The following PTPRD variants were observed in gnomAD, a reference collection of about 807,000 sequenced individuals.
PTPRD encodes the protein receptor-type tyrosine-protein phosphatase delta.
A neutral mutation model predicts 214.5 loss-of-function variants in PTPRD; 34 were observed. The observed-to-expected ratio is 0.16, with a 90% CI of 0.12 to 0.21. The LOEUF (loss-of-function observed/expected upper bound fraction) is 0.21, where lower values mean the gene tolerates loss of function less well. PTPRD is among the 10% of genes least tolerant of loss of function. PTPRD has a pLI of 1.00. For missense variants in PTPRD, 2,545 were observed against 2,398.7 expected (o/e 1.06, Z -1.27); for synonymous variants, 1,128 against 845.7 (o/e 1.33, Z -5.79).
chr9:9,602,154 C>T (rs1029399009), intron 7 of PTPRD, among the ~76,000 whole-genome samples: 1 of 151,876 alleles, frequency 6.6e-6, no homozygotes, highest in Non-Finnish European at 1.5e-5. Context: ...ATTCCTATTA[C>T]CTTTGCTTTT....
chr9:9,356,362 T>C (rs73393055), intron 9 of PTPRD, among the ~76,000 whole-genome samples: 1,663 of 151,544 alleles, frequency 0.011, 25 homozygotes, highest in African/African-American at 0.037. Flanking sequence ...GGACATCTAA[T>C]GCAGATTATT....
At chr9:8,446,918 TA>T (rs1488812122) in intron 34 of PTPRD, among the ~76,000 whole-genome samples, 1 of 152,178 alleles carries the variant, frequency 6.6e-6, no homozygotes, top group African/African-American at 2.4e-5. Context: ...GGCAAGTAAT[TA>T]TGGTAATTAA....
At chr9:9,406,847 CT>C (rs35972215) in intron 8 of PTPRD, among the ~76,000 whole-genome samples, 15 of 145,488 alleles carry the variant, frequency 1.0e-4, no homozygotes, top group Admixed American at 2.1e-4. Flanking sequence ...TTTCTTCTTT[CT>C]TTTTTTTTTT....
chr9:10,449,023 A>G (rs565639899), intron 2 of PTPRD, among the ~76,000 whole-genome samples: 25 of 152,018 alleles, frequency 1.6e-4, no homozygotes, highest in African/African-American at 6.1e-4. Flanking sequence ...CTAGAACTTA[A>G]AGTATAATAA....
chr9:8,377,614 T>TA (rs2083641822), intron 37 of PTPRD, among the ~76,000 whole-genome samples: 1 of 152,076 alleles, frequency 6.6e-6, no homozygotes, highest in Non-Finnish European at 1.5e-5. Flanking sequence ...GACTTTTTTT[T>TA]AATGGGACTA....
chr9:8,881,901 C>T lies in PTPRD; in HGVS notation c.-104+136796G>A, dbSNP rs114139096. Among the ~76,000 whole-genome samples, 690 of 152,246 alleles carry T rather than the reference C, an allele frequency of 4.5e-3. 7 individuals carry two copies. Among genetic ancestry groups the T allele is most frequent in the African/African-American group, 0.015 (622 of 41,534 alleles). The stretch of plus-strand genomic sequence containing the variant: ...ATGAGCTTCTTCCTGTCTTCTTACT[C>T]GGAGGAAAGAAAGGAGAAGGAAGGT... On this transcript the variant is annotated intron_variant, in intron 11 of 45. Coordinates refer to ENST00000381196, the MANE Select transcript of PTPRD (RefSeq NM_002839.4).
At chr9:8,357,349 G>A (rs372989617) in intron 39 of PTPRD, among the ~76,000 whole-genome samples, 2 of 152,204 alleles carry the variant, frequency 1.3e-5, no homozygotes, top group Non-Finnish European at 2.9e-5. Flanking sequence ...ACCAAGAGAT[G>A]CAGGAATAGC....
intron 11 of PTPRD, among the ~76,000 whole-genome samples, chr9:8,801,250 C>T (rs2096565033): frequency 1.3e-5 from 2 of 152,084 alleles, no homozygotes; most frequent in African/African-American, 4.8e-5. Context: ...ATTACTGGTT[C>T]TCAAATCTTG....
intron 9 of PTPRD, among the ~76,000 whole-genome samples, chr9:9,392,541 T>C (rs1245151756): frequency 6.6e-6 from 1 of 152,152 alleles, no homozygotes; most frequent in Non-Finnish European, 1.5e-5. Context: ...TGGGATCCTA[T>C]GTTAGGTCAA....
chr9:9,979,650 A>C (rs531470903), intron 4 of PTPRD, among the ~76,000 whole-genome samples: 6 of 152,286 alleles, frequency 3.9e-5, no homozygotes, highest in Non-Finnish European at 7.4e-5. Flanking sequence ...ATTATGAAGA[A>C]CTCAACAAAC....
At position 10,500,855 on chromosome 9, in the gene PTPRD, C is replaced by T. The variant is rs976155124; in HGVS notation, c.-600+111543G>A. ...TTAACATAATGACCTCCAGTTCCAT[C>T]CATGTTATTGCGACCGACAGAATAT... On this transcript the variant is annotated intron_variant, in intron 2 of 45. Transcript: ENST00000381196. Among the ~76,000 whole-genome samples, 3 of 151,996 alleles carry T rather than the reference C, an allele frequency of 2.0e-5. No homozygotes were observed. The South Asian group carries it at 6.2e-4, about 32-fold the overall frequency.
chr9:10,588,451 C>CACACAA (rs1555573831), intron 2 of PTPRD, among the ~76,000 whole-genome samples: 1 of 151,642 alleles, frequency 6.6e-6, no homozygotes, highest in Non-Finnish European at 1.5e-5. Context: ...CACACACACA[C>CACACAA]ACACTCACAA....
At chr9:10,324,528 C>T (rs536964566) in intron 3 of PTPRD, among the ~76,000 whole-genome samples, 2 of 152,044 alleles carry the variant, frequency 1.3e-5, no homozygotes, top group East Asian at 1.9e-4. Context: ...ATAGTAGTTG[C>T]CTGAGACATC....
chr9:10,015,659 G>T (rs546039407), intron 4 of PTPRD, among the ~76,000 whole-genome samples: 2 of 152,196 alleles, frequency 1.3e-5, no homozygotes, highest in East Asian at 1.9e-4. Context: ...ACAAAGCCAG[G>T]TAATTCTGAT....
chr9:9,646,467 C>T (rs2096180693), intron 7 of PTPRD, among the ~76,000 whole-genome samples: 9 of 151,958 alleles, frequency 5.9e-5, no homozygotes, highest in Admixed American at 5.9e-4. Flanking sequence ...TGCCTGTTTC[C>T]TCTGTCTACT....
chr9:9,919,813 TG>T (rs1338776583), intron 5 of PTPRD, among the ~76,000 whole-genome samples: 1 of 152,168 alleles, frequency 6.6e-6, no homozygotes, highest in African/African-American at 2.4e-5. Context: ...CTGCAGCATT[TG>T]TAAGATATCA....
intron 9 of PTPRD, among the ~76,000 whole-genome samples, chr9:9,275,547 T>C (rs2133213460): frequency 6.6e-6 from 1 of 151,220 alleles, no homozygotes; most frequent in South Asian, 2.1e-4. Context: ...TTAGCCAAGG[T>C]TGGCTGGTAA....
At chr9:9,592,023 G>T (rs1228967862) in intron 7 of PTPRD, among the ~76,000 whole-genome samples, 1 of 151,876 alleles carries the variant, frequency 6.6e-6, no homozygotes, top group African/African-American at 2.4e-5. Flanking sequence ...AACTTGTTTT[G>T]ATTTTTTATG....
At chr9:10,060,803 C>CCTTT (rs796867777) in intron 3 of PTPRD, among the ~76,000 whole-genome samples, 2,806 of 103,240 alleles carry the variant, frequency 0.027, 315 homozygotes, top group African/African-American at 0.085. Flanking sequence ...TTTCTTTCTT[C>CCTTT]CTTTCTTTCT....
Sources: gnomAD v4.1 joint callset for allele counts (sites outside exome capture counted in the v4.1 genomes callset) on GRCh38, gnomAD v4.1.1 for gene constraint, MANE v1.5 for transcripts, NCBI Gene and HGNC (gene_info 2026-07-23, HGNC 2026-07-21) for gene names.